DTNA: variants seen among roughly 807,000 people sequenced by gnomAD.
The protein encoded by DTNA is dystrobrevin alpha.
A neutral mutation model predicts 100.7 loss-of-function variants in DTNA; 43 were observed. The ratio of observed to expected loss-of-function variants is 0.43; its 90% CI spans 0.33 to 0.55. The LOEUF (loss-of-function observed/expected upper bound fraction) is 0.55. Among genes scored for constraint, DTNA ranks in the 20% least tolerant of loss-of-function variants. The pLI is 0.04. For missense variants in DTNA, 798 were observed against 953.9 expected, an observed-to-expected ratio of 0.84 and a Z score of 2.15; for synonymous variants, 349 against 347.9, an observed-to-expected ratio of 1.00 and a Z score of -0.04.
intron 11 of DTNA, among the ~76,000 whole-genome samples, chr18:34,832,080 A>C (rs1476513025): frequency 6.6e-6 from 1 of 152,228 alleles, no homozygotes; most frequent in East Asian, 1.9e-4. Context: ...GATCATCAAA[A>C]GTAGCTAAAA....
chr18:34,835,898 A>G (rs538415296), intron 11 of DTNA, among the ~76,000 whole-genome samples: 7 of 152,370 alleles, frequency 4.6e-5, no homozygotes, highest in Admixed American at 1.3e-4. Context: ...AATTATTGCC[A>G]CAATTTCTGA....
intron 1 of DTNA, among the ~76,000 whole-genome samples, chr18:34,548,363 G>A (rs2045030352): frequency 1.3e-5 from 2 of 152,060 alleles, no homozygotes; most frequent in African/African-American, 4.8e-5. Context: ...AAAGGTAAAG[G>A]TCAATAGAGA....
intron 6 of DTNA, among the ~76,000 whole-genome samples, chr18:34,814,631 G>A (rs2095556470): frequency 6.6e-6 from 1 of 152,024 alleles, no homozygotes; most frequent in Admixed American, 6.6e-5. Context: ...GTTCAAGGTT[G>A]CAGTGAGCTA....
chr18:34,497,049 G>T (rs2039321335), intron 1 of DTNA, among the ~76,000 whole-genome samples: 1 of 151,670 alleles, frequency 6.6e-6, no homozygotes, highest in African/African-American at 2.4e-5. Context: ...CCTTTATGTG[G>T]TTACTTGCCT....
chr18:34,504,509 G>A (rs2040294082), intron 1 of DTNA, among the ~76,000 whole-genome samples: 1 of 152,122 alleles, frequency 6.6e-6, no homozygotes, highest in Admixed American at 6.5e-5. Context: ...GCCACCCTTT[G>A]TGAGCAGGTC....
At chr18:34,634,014 A>G (rs1053365301) in intron 1 of DTNA, among the ~76,000 whole-genome samples, 2 of 152,198 alleles carry the variant, frequency 1.3e-5, no homozygotes, top group South Asian at 4.1e-4. Context: ...GAGAAAACAG[A>G]TGTGCTTCCT....
chr18:34,512,255 A>T (rs576020287), intron 1 of DTNA, among the ~76,000 whole-genome samples: 2 of 152,066 alleles, frequency 1.3e-5, no homozygotes, highest in African/African-American at 2.4e-5. Context: ...TTCTAAAAAA[A>T]TTTATATAGT....
intron 1 of DTNA, among the ~76,000 whole-genome samples, chr18:34,649,991 G>T (rs578136568): frequency 6.6e-6 from 1 of 152,054 alleles, no homozygotes; most frequent in South Asian, 2.1e-4. Flanking sequence ...GCTGTGAATT[G>T]TAATTCCTGG....
intron 11 of DTNA, among the ~76,000 whole-genome samples, chr18:34,830,699 G>A (rs964076004): frequency 1.3e-5 from 2 of 152,188 alleles, no homozygotes; most frequent in Non-Finnish European, 2.9e-5. Flanking sequence ...GTGTGTGCAC[G>A]TGTGCACATG....
rs139850671 is a variant in DTNA at position 34,519,927 on chromosome 18, T to C, written c.-2+26413T>C. ...AAGCCCCTAGGTTCTCGTCCCTTTT[T>C]CATATTCTTTCTGAAATACCATAGT... is the stretch of plus-strand genomic sequence containing the variant. On this transcript the variant is annotated intron_variant, in intron 1 of 19. Transcript: ENST00000283365. Among the ~76,000 whole-genome samples, 1,227 of 152,318 alleles carry C rather than the reference T, an allele frequency of 8.1e-3. 16 individuals are homozygous for C. Among genetic ancestry groups the C allele is most frequent in the African/African-American group, 0.027 (1,133 of 41,580 alleles).
chr18:34,722,825 T>G (rs1375378749), intron 1 of DTNA, among the ~76,000 whole-genome samples: 1 of 152,236 alleles, frequency 6.6e-6, no homozygotes, highest in Non-Finnish European at 1.5e-5. Flanking sequence ...CATACTTTTT[T>G]GGTCTGGTTT....
At chr18:34,666,673 T>C (rs1393952329) in intron 1 of DTNA, among the ~76,000 whole-genome samples, 1 of 152,214 alleles carries the variant, frequency 6.6e-6, no homozygotes, top group South Asian at 2.1e-4. Flanking sequence ...ATTTGTTAAA[T>C]AGGGAATCCT....
chr18:34,597,857 C>T (rs2147102569), intron 1 of DTNA, among the ~76,000 whole-genome samples: 1 of 146,894 alleles, frequency 6.8e-6, no homozygotes, highest in East Asian at 2.1e-4. Flanking sequence ...AAGTCACCTT[C>T]ACTGTACTTT....
intron 1 of DTNA, among the ~76,000 whole-genome samples, chr18:34,668,419 G>A (rs377528470): frequency 3.3e-5 from 5 of 152,026 alleles, no homozygotes; most frequent in Middle Eastern, 3.4e-3. Context: ...TTGTGTCTCT[G>A]TCTCCTTCAG....
At chr18:34,590,253 A>G (rs1036218247) in intron 1 of DTNA, among the ~76,000 whole-genome samples, 2 of 152,244 alleles carry the variant, frequency 1.3e-5, no homozygotes. Flanking sequence ...AAGTTTTTCT[A>G]CTTTTTCTTG....
At chr18:34,819,613 T>G (rs2095664341) in intron 8 of DTNA, among the ~76,000 whole-genome samples, 1 of 152,210 alleles carries the variant, frequency 6.6e-6, no homozygotes, top group African/African-American at 2.4e-5. Context: ...ATGCTAAATC[T>G]ACATAAGGAG....
chr18:34,706,462 T>G (rs2082132274), upstream of DTNA, among the ~76,000 whole-genome samples: 1 of 152,138 alleles, frequency 6.6e-6, no homozygotes, highest in Admixed American at 6.5e-5. Context: ...TCACTAAGAA[T>G]ACATTCAGAA....
intron 7 of DTNA, among the ~76,000 whole-genome samples, chr18:34,817,651 T>A (rs950407059): frequency 1.3e-5 from 2 of 152,168 alleles, no homozygotes; most frequent in South Asian, 4.1e-4. Flanking sequence ...CTCTATTTTT[T>A]AAAAAATAAC....
chr18:34,581,645 G>A (rs1321710160), intron 1 of DTNA, among the ~76,000 whole-genome samples: 6 of 136,498 alleles, frequency 4.4e-5, no homozygotes, highest in Admixed American at 7.5e-5. Flanking sequence ...TTTTTGTGAC[G>A]GAGTCTTGCT....
Sources: allele counts gnomAD v4.1 joint callset (sites outside exome capture counted in the v4.1 genomes callset), GRCh38; gene constraint gnomAD v4.1.1; transcripts MANE v1.5; gene names NCBI Gene and HGNC (gene_info 2026-07-23, HGNC 2026-07-21).